The following KHDRBS3 variants were observed in gnomAD, a reference collection of about 807,000 sequenced individuals.
KHDRBS3 encodes the protein KH domain-containing, RNA-binding, signal transduction-associated protein 3.
Under a neutral mutation model 45.6 loss-of-function variants are expected in KHDRBS3, and 23 were observed. The ratio of observed to expected loss-of-function variants is 0.50; its 90% CI spans 0.36 to 0.72. The LOEUF (loss-of-function observed/expected upper bound fraction) is 0.72. Ranked by LOEUF, KHDRBS3 falls within the 30% of genes least tolerant of loss-of-function variation. KHDRBS3 has a pLI of 0.00. For synonymous variants in KHDRBS3, 162 were observed against 156.5 expected (o/e 1.04, Z -0.26); for missense variants, 352 against 424.8 (o/e 0.83, Z 1.51).
At chr8:135,561,696 G>A (rs1827175453) in intron 5 of KHDRBS3, among the ~76,000 whole-genome samples, 1 of 151,984 alleles carries the variant, frequency 6.6e-6, no homozygotes, top group Non-Finnish European at 1.5e-5. Flanking sequence ...TTTGGTCAAG[G>A]ACGGACAGAA....
chr8:135,633,542 C>G (rs1415960493), intron 7 of KHDRBS3, among the ~76,000 whole-genome samples: 1 of 152,134 alleles, frequency 6.6e-6, no homozygotes, highest in Non-Finnish European at 1.5e-5. Context: ...CAATAAGGTT[C>G]AGATTTTAAT....
intron 1 of KHDRBS3, among the ~76,000 whole-genome samples, chr8:135,479,185 G>T (rs945842818): frequency 3.9e-5 from 6 of 152,186 alleles, no homozygotes; most frequent in Non-Finnish European, 8.8e-5. Context: ...GGAATACTAT[G>T]AACAACTATA....
At chr8:135,642,337 C>G (rs926580798) in intron 7 of KHDRBS3, among the ~76,000 whole-genome samples, 1 of 152,206 alleles carries the variant, frequency 6.6e-6, no homozygotes, top group African/African-American at 2.4e-5. Context: ...CAGCTTGGGC[C>G]TCAGCTGCCT....
intron 6 of KHDRBS3, among the ~76,000 whole-genome samples, chr8:135,596,769 A>G (rs1828990310): frequency 6.6e-6 from 1 of 152,212 alleles, no homozygotes; most frequent in Admixed American, 6.5e-5. Context: ...AAAGAACTAA[A>G]TGGATGGGTT....
At chr8:135,632,575 G>GT (rs1218831954) in intron 7 of KHDRBS3, among the ~76,000 whole-genome samples, 1 of 151,832 alleles carries the variant, frequency 6.6e-6, no homozygotes, top group African/African-American at 2.4e-5. Context: ...CAAACCTAAC[G>GT]TGTCCCAAAT....
chr8:135,526,898 T>A (rs1000922011), intron 2 of KHDRBS3, among the ~76,000 whole-genome samples: 3 of 151,876 alleles, frequency 2.0e-5, no homozygotes, highest in Non-Finnish European at 4.4e-5. Context: ...TTTTTAGAAG[T>A]TTTTTTTAGA....
At chr8:135,582,567 A>C (rs1828267325) in intron 6 of KHDRBS3, among the ~76,000 whole-genome samples, 1 of 152,248 alleles carries the variant, frequency 6.6e-6, no homozygotes, top group Non-Finnish European at 1.5e-5. Flanking sequence ...TTTTTCATTT[A>C]TCATTCAGCG....
chr8:135,649,437 T>C (rs1395730676), downstream of KHDRBS3, among the ~76,000 whole-genome samples: 1 of 152,268 alleles, frequency 6.6e-6, no homozygotes, highest in Non-Finnish European at 1.5e-5. Flanking sequence ...GTCAAAGTTG[T>C]ATTCACATAT....
At chr8:135,570,547 T>C (rs1406142103) in intron 5 of KHDRBS3, among the ~76,000 whole-genome samples, 2 of 152,212 alleles carry the variant, frequency 1.3e-5, no homozygotes, top group African/African-American at 4.8e-5. Context: ...AATGGTAATA[T>C]ATTTCCTAAC....
intron 1 of KHDRBS3, 28 bp from the exon 2 acceptor site, chr8:135,521,209 C>G: frequency 7.1e-7 from 1 of 1,413,502 alleles, no homozygotes; most frequent in Non-Finnish European, 1.0e-6. Flanking sequence ...GAGTCATACA[C>G]TTCATGGTTA....
At chr8:135,555,548 A>G (rs2130823878) in intron 4 of KHDRBS3, among the ~76,000 whole-genome samples, 1 of 152,046 alleles carries the variant, frequency 6.6e-6, no homozygotes, top group South Asian at 2.1e-4. Flanking sequence ...ATTTTGTTCT[A>G]ATTTCTGTGT....
chr8:135,617,494 T>C (rs970059956), intron 7 of KHDRBS3, among the ~76,000 whole-genome samples: 1 of 151,944 alleles, frequency 6.6e-6, no homozygotes, highest in African/African-American at 2.4e-5. Context: ...GCCAGGCTGG[T>C]CTCAAACTCC....
chr8:135,467,950 A>G (rs1166984525), intron 1 of KHDRBS3, among the ~76,000 whole-genome samples: 1 of 152,202 alleles, frequency 6.6e-6, no homozygotes, highest in Non-Finnish European at 1.5e-5. Flanking sequence ...TAATTTTCCA[A>G]CAGTCATTCC....
intron 5 of KHDRBS3, among the ~76,000 whole-genome samples, chr8:135,578,283 T>C (rs1039533174): frequency 2.0e-5 from 3 of 152,150 alleles, no homozygotes; most frequent in African/African-American, 2.4e-5. Context: ...TTTTTTGATA[T>C]TGTATCTAAA....
chr8:135,632,409 C>A (rs1830642153), intron 7 of KHDRBS3, among the ~76,000 whole-genome samples: 1 of 152,072 alleles, frequency 6.6e-6, no homozygotes, highest in African/African-American at 2.4e-5. Context: ...CCTTTAACCT[C>A]TTCTCCATTT....
intron 1 of KHDRBS3, among the ~76,000 whole-genome samples, chr8:135,518,758 T>C (rs1824754754): frequency 7.3e-6 from 1 of 136,914 alleles, no homozygotes; most frequent in African/African-American, 2.9e-5. Flanking sequence ...ATTGATACCA[T>C]TGGTGCTACA....
intron 1 of KHDRBS3, among the ~76,000 whole-genome samples, chr8:135,495,325 A>T (rs1823383352): frequency 6.6e-6 from 1 of 152,160 alleles, no homozygotes. Flanking sequence ...TTTGTCAATT[A>T]TCCAACTTTT....
At chr8:135,652,728 C>T (rs1370949905) in intron 4 of KHDRBS3, among the ~76,000 whole-genome samples, 1 of 152,202 alleles carries the variant, frequency 6.6e-6, no homozygotes, top group Admixed American at 6.5e-5. Context: ...CTGCCATCTT[C>T]GCAGCTCTAC....
chr8:135,473,017 A>G (rs1480412812), intron 1 of KHDRBS3, among the ~76,000 whole-genome samples: 2 of 144,132 alleles, frequency 1.4e-5, no homozygotes, highest in African/African-American at 5.3e-5. Context: ...AATTACACCT[A>G]AAACTGTTTA....
Sources: gnomAD v4.1 joint callset for allele counts (sites outside exome capture counted in the v4.1 genomes callset) on GRCh38, gnomAD v4.1.1 for gene constraint, MANE v1.5 for transcripts, NCBI Gene and HGNC (gene_info 2026-07-23, HGNC 2026-07-21) for gene names.